Variants in TNRC6A observed in about 807,000 individuals in gnomAD.
The protein encoded by TNRC6A is trinucleotide repeat containing adaptor 6A, also known as trinucleotide repeat-containing gene 6A protein.
Under a neutral mutation model 221.2 loss-of-function variants are expected in TNRC6A, and 44 were observed. The observed-to-expected ratio is 0.20, with a 90% confidence interval of 0.16 to 0.26. The LOEUF is 0.26. Among genes scored for constraint, TNRC6A ranks in the 10% least tolerant of loss-of-function variants. The probability of loss-of-function intolerance (pLI) is 1.00; values close to 1 mark genes in which losing one functional copy is unlikely to be tolerated. For missense variants in TNRC6A, 2,199 were observed against 2,404.4 expected, an observed-to-expected ratio of 0.91 and a Z score of 1.79; for synonymous variants, 847 against 838.5, an observed-to-expected ratio of 1.01 and a Z score of -0.18.
intron 2 of TNRC6A, among the ~76,000 whole-genome samples, chr16:24,696,742 A>AGAAAGAAAG (rs1254102538): frequency 2.0e-5 from 3 of 146,732 alleles, no homozygotes; most frequent in Admixed American, 6.9e-5. Flanking sequence ...AAAAAAAAAA[A>AGAAAGAAAG]AAAGAAAGGA....
At chr16:24,807,229 T>G (rs1200181979) in intron 17 of TNRC6A, among the ~76,000 whole-genome samples, 1 of 152,190 alleles carries the variant, frequency 6.6e-6, no homozygotes, top group African/African-American at 2.4e-5. Context: ...GGTCTGGAAC[T>G]CCTGACCTCA....
chr16:24,734,459 A>G (rs1394272968), intron 2 of TNRC6A, among the ~76,000 whole-genome samples: 1 of 152,182 alleles, frequency 6.6e-6, no homozygotes, highest in Non-Finnish European at 1.5e-5. Flanking sequence ...GTCTGAAAAA[A>G]TATTTTGGAG....
chr16:24,713,449 C>CAA (rs1054244436), intron 2 of TNRC6A, among the ~76,000 whole-genome samples: 52 of 77,838 alleles, frequency 6.7e-4, no homozygotes, highest in South Asian at 4.4e-3. Flanking sequence ...AACAAACAAA[C>CAA]AAAAAAATAT....
intron 2 of TNRC6A, among the ~76,000 whole-genome samples, chr16:24,697,887 A>T (rs1024177396): frequency 2.0e-5 from 3 of 151,944 alleles, no homozygotes; most frequent in African/African-American, 7.3e-5. Context: ...TAAAAATACA[A>T]AAATTAGCTG....
chr16:24,815,117 C>T (rs374043413), intron 18 of TNRC6A, 30 bp from the exon 19 acceptor site: 7 of 1,597,668 alleles, frequency 4.4e-6, no homozygotes, highest in Middle Eastern at 1.7e-4. Flanking sequence ...GTATTTTGCT[C>T]ACATTTCTCT....
chr16:24,677,895 TG>T (rs147229636), intron 2 of TNRC6A, among the ~76,000 whole-genome samples: 26,930 of 152,180 alleles, frequency 0.18, 2,847 homozygotes, highest in South Asian at 0.26. Context: ...GGATGATCTT[TG>T]TTTTGGTAGG....
chr16:24,787,858 T>C (rs76364242), intron 5 of TNRC6A, among the ~76,000 whole-genome samples: 1,625 of 152,346 alleles, frequency 0.011, 36 homozygotes, highest in African/African-American at 0.037. Flanking sequence ...TAGTGACTTC[T>C]TTTTATCTCC....
chr16:24,661,658 C>G (rs958640228), intron 2 of TNRC6A: 1 of 152,296 alleles, frequency 6.6e-6, no homozygotes, highest in African/African-American at 2.4e-5. Context: ...GTCATCCGCC[C>G]GCCTCGGCCT....
intron 1 of TNRC6A, among the ~76,000 whole-genome samples, chr16:24,629,053 C>T (rs1328916860): frequency 6.6e-6 from 1 of 151,996 alleles, no homozygotes; most frequent in Non-Finnish European, 1.5e-5. Flanking sequence ...AATCTAAAAA[C>T]CTAGTTTTCC....
At position 24,682,545 on chromosome 16, in the gene TNRC6A, AG is replaced by A. The variant is rs372623148; in HGVS notation, n.402+41538del. On this transcript the variant is annotated intron_variant and non_coding_transcript_variant, in intron 2 of 2. Transcript: ENST00000566108. ...ACGCAGCTGAAGGAAGATTGAATAG[AG>A]GAACTCTACAAACGGAGGGCAGAAA... Among the ~76,000 whole-genome samples the A allele has an allele frequency of 1.2e-4, 19 of 152,170 alleles. No individual in the cohort carries two copies. In the East Asian group the frequency reaches 2.9e-3, roughly 23 times the overall value.
At chr16:24,682,370 C>T (rs1273394604) in intron 2 of TNRC6A, among the ~76,000 whole-genome samples, 2 of 148,312 alleles carry the variant, frequency 1.3e-5, no homozygotes, top group Non-Finnish European at 3.0e-5. Context: ...GGACTACAGG[C>T]GTGCACCACC....
At chr16:24,762,002 G>A (rs1005463190) in intron 4 of TNRC6A, among the ~76,000 whole-genome samples, 8 of 152,086 alleles carry the variant, frequency 5.3e-5, no homozygotes, top group African/African-American at 1.9e-4. Context: ...TTTTTTGAGT[G>A]ATTTCATGAG....
At chr16:24,718,067 C>T (rs2056347302) in intron 2 of TNRC6A, among the ~76,000 whole-genome samples, 1 of 152,132 alleles carries the variant, frequency 6.6e-6, no homozygotes, top group Admixed American at 6.6e-5. Flanking sequence ...CATGTGCCCC[C>T]ACGGCCTGCC....
intron 4 of TNRC6A, among the ~76,000 whole-genome samples, chr16:24,773,879 G>GCT (rs2057665518): frequency 6.7e-6 from 1 of 148,314 alleles, no homozygotes; most frequent in Non-Finnish European, 1.5e-5. Flanking sequence ...TTTTAACCTT[G>GCT]CTGCATTGTT....
intron 2 of TNRC6A, among the ~76,000 whole-genome samples, chr16:24,665,441 T>C (rs2055138645): frequency 6.6e-6 from 1 of 152,130 alleles, no homozygotes; most frequent in Non-Finnish European, 1.5e-5. Flanking sequence ...GGCAGAGCAT[T>C]AGGTTTTCAT....
intron 18 of TNRC6A, among the ~76,000 whole-genome samples, chr16:24,813,557 G>A (rs1202617464): frequency 2.6e-5 from 4 of 152,148 alleles, no homozygotes; most frequent in African/African-American, 4.8e-5. Flanking sequence ...TGAATGAGAC[G>A]ATGCATCTCA....
intron 2 of TNRC6A, among the ~76,000 whole-genome samples, chr16:24,667,227 A>G (rs2055190943): frequency 6.6e-6 from 1 of 152,148 alleles, no homozygotes; most frequent in Non-Finnish European, 1.5e-5. Context: ...ATCTGTGATC[A>G]GCTGCTGGCT....
chr16:24,685,365 T>C (rs2055606360), intron 2 of TNRC6A, among the ~76,000 whole-genome samples: 1 of 152,066 alleles, frequency 6.6e-6, no homozygotes, highest in African/African-American at 2.4e-5. Context: ...GACAAGACCT[T>C]ACTCTCTGTG....
chr16:24,765,669 T>C (rs1389933696), intron 4 of TNRC6A, among the ~76,000 whole-genome samples: 1 of 152,170 alleles, frequency 6.6e-6, no homozygotes, highest in Admixed American at 6.5e-5. Flanking sequence ...TTTCTTCCTG[T>C]GGAAGATGTC....
Sources: allele counts gnomAD v4.1 joint callset (sites outside exome capture counted in the v4.1 genomes callset), GRCh38; gene constraint gnomAD v4.1.1; transcripts MANE v1.5; gene names NCBI Gene and HGNC (gene_info 2026-07-23, HGNC 2026-07-21).